MYO15A: variants seen among roughly 807,000 people sequenced by gnomAD.
MYO15A encodes the protein unconventional myosin-XV.
Under a neutral mutation model 394.6 loss-of-function variants are expected in MYO15A, and 308 were observed. The ratio of observed to expected loss-of-function variants is 0.78; its 90% CI spans 0.71 to 0.86. MYO15A has a LOEUF of 0.86. Ranked by LOEUF, MYO15A falls within the 40% of genes least tolerant of loss-of-function variation. The pLI is 0.00. For missense variants in MYO15A, 4,606 were observed against 4,799.1 expected, an observed-to-expected ratio of 0.96 and a Z score of 1.19; for synonymous variants, 1,957 against 2,003.8, an observed-to-expected ratio of 0.98 and a Z score of 0.62.
intron 61 of MYO15A, 43 bp downstream of exon 61, chr17:18,166,564 C>T (rs768361208): frequency 1.2e-6 from 2 of 1,605,146 alleles, no homozygotes; most frequent in South Asian, 2.2e-5. Flanking sequence ...ACCTTCTAGG[C>T]TCCCCTGGGC....
chr17:18,125,157 T>A lies in MYO15A; in HGVS notation c.3693-11T>A, dbSNP rs1597765036. 1 of 1,613,918 alleles carries A rather than the reference T, an allele frequency of 6.2e-7. No individual in the cohort carries two copies. The highest frequency in any genetic ancestry group is 1.7e-5 in the Admixed American group (1 of 60,016). ...TGGGGGCACTGACGGCTTCTCTCTG[T>A]GTCCTTCTAGAGACCTCCAGGAAAC... On this transcript the variant is annotated splice_polypyrimidine_tract_variant and intron_variant, in intron 3 of 65. Coordinates refer to ENST00000647165, the MANE Select transcript of MYO15A (RefSeq NM_016239.4).
Position 18,122,175 on chromosome 17 carries a change from C to T in MYO15A, c.3375C>T (p.Ser1125=), listed in dbSNP as rs780997753. 3.7e-6 allele frequency: 6 copies of T among 1,613,012 alleles called. No homozygotes were observed. The highest frequency in any genetic ancestry group is 5.1e-6 in the Non-Finnish European group (6 of 1,180,026). Residue 1125 remains serine (S), a synonymous_variant, in exon 2 of 66, where the codon AGC becomes AGT. Coordinates refer to ENST00000647165, the MANE Select transcript of MYO15A (RefSeq NM_016239.4). ...AVVMPRVQKL[S]SFQRVGPATL... is the part of the protein sequence containing the mutation. ...TCATGCCTCGTGTGCAGAAGCTGAG[C>T]TCTTTCCAGCGAGTTGGGCCTGCAA...
At position 18,141,015 on chromosome 17, in the gene MYO15A, A is replaced by G; in HGVS notation, c.5407-4A>G. 1.2e-6 allele frequency: 2 copies of G among 1,613,822 alleles called. No homozygotes were observed. The highest frequency in any genetic ancestry group is 1.7e-4 in the Middle Eastern group (1 of 5,918). ...GCAGACTCCCTCTCTGGGCATCCCTACAGGAGCCAGGTCTCTTTGAGCCAG... is the reference window on the plus strand; with the variant it reads ...GCAGACTCCCTCTCTGGGCATCCCTGCAGGAGCCAGGTCTCTTTGAGCCAG... On this transcript the variant is annotated splice_region_variant and splice_polypyrimidine_tract_variant and intron_variant, in intron 21 of 65. Coordinates refer to ENST00000647165, the MANE Select transcript of MYO15A (RefSeq NM_016239.4).
At chr17:18,174,604 C>T (rs1350076413) in intron 65 of MYO15A, among the ~76,000 whole-genome samples, 1 of 152,158 alleles carries the variant, frequency 6.6e-6, no homozygotes, top group Admixed American at 6.5e-5. Flanking sequence ...AGTGAGACCC[C>T]ATCTCTAAAA....
Position 18,118,966 on chromosome 17 carries a change from G to A in MYO15A, c.166G>A (p.Ala56Thr), listed in dbSNP as rs748573149. 29 of 1,613,192 alleles carry A rather than the reference G, an allele frequency of 1.8e-5. No individual in the cohort carries two copies. The South Asian group carries it at 2.0e-4, about 11-fold the overall frequency. Reference sequence around the variant, plus strand: ...CTCCAAGAAGGGCCAGTTCCGCAGCGCCTCGGCCTTCTTCTGGGGCCTCCA... The same window carrying A: ...CTCCAAGAAGGGCCAGTTCCGCAGCACCTCGGCCTTCTTCTGGGGCCTCCA... The part of the protein sequence containing the change: ...KISKKGQFRS[A>T]SAFFWGLHTG... Residue 56 changes from alanine to threonine, a missense_variant, in exon 2 of 66, where the codon GCC becomes ACC. Transcript: ENST00000647165.
In MYO15A at chr17:18,154,693, C is replaced by T. The variant is rs1288328459; in HGVS notation, c.8162C>T (p.Thr2721Met). Residue 2721 changes from threonine (T) to methionine (M), a missense_variant, in exon 45 of 66, where the codon ACG (threonine) becomes ATG (methionine). Coordinates refer to ENST00000647165, the MANE Select transcript of MYO15A (RefSeq NM_016239.4). ...CTGTTCCCACAGATCCTGCACGACA[C>T]GCTCTCCGAGGCCTGCCTTCGCATC... ...DLLFRQILHD[T>M]LSEACLRISE... 6 of 1,613,458 alleles carry T rather than the reference C, an allele frequency of 3.7e-6. No homozygotes were observed. The highest frequency in any genetic ancestry group is 1.7e-5 in the Admixed American group (1 of 60,008).
Position 18,119,369 on chromosome 17 carries a change from TC to T in MYO15A, c.574del (p.Arg192AlafsTer252). 2 of 1,609,262 alleles carry T rather than the reference TC, an allele frequency of 1.2e-6. No individual in the cohort carries two copies. Among genetic ancestry groups the T allele is most frequent in the Non-Finnish European group, 1.7e-6 (2 of 1,179,200 alleles). On this transcript the variant is annotated frameshift_variant, in exon 2 of 66. Coordinates refer to ENST00000647165, the MANE Select transcript of MYO15A (RefSeq NM_016239.4). LOFTEE classifies it high-confidence loss of function. ...ILRPGGRLRR[F>X]PRSRSIYASG... ...CGGCCTGGGGGCCGGCTCCGGAGGT[TC>T]CCCCGCAGCCGCAGCATCTACGCGT...
At chr17:18,173,993 G>C in intron 65 of MYO15A, 72 bp downstream of exon 65, 1 of 1,556,158 alleles carries the variant, frequency 6.4e-7, no homozygotes, top group South Asian at 1.2e-5. Context: ...GATAGGTCAG[G>C]TCCCTGCCAT....
At chr17:18,169,683 A>G (rs929725476) in intron 62 of MYO15A, 5 of 152,194 alleles carry the variant, frequency 3.3e-5, no homozygotes, top group African/African-American at 4.8e-5. Flanking sequence ...TATGTGGGTT[A>G]TATCAATGAA....
chr17:18,140,459 C>A (rs2046357455), intron 19 of MYO15A, 58 bp from the exon 20 acceptor site: 1 of 1,610,790 alleles, frequency 6.2e-7, no homozygotes, highest in Non-Finnish European at 8.5e-7. Flanking sequence ...TCTCTTCCTC[C>A]TCATTTCGGT....
chr17:18,139,747 G>T, intron 19 of MYO15A, 136 bp downstream of exon 19: 2 of 1,039,932 alleles, frequency 1.9e-6, no homozygotes, highest in Non-Finnish European at 2.9e-6. Flanking sequence ...GACAAGGGTG[G>T]CCTGGACACC....
At chr17:18,115,451 T>C (rs911639206) in intron 1 of MYO15A, among the ~76,000 whole-genome samples, 2 of 152,120 alleles carry the variant, frequency 1.3e-5, no homozygotes, top group African/African-American at 4.8e-5. Context: ...AAACCCTGTC[T>C]CTACTAAAAA....
In MYO15A at chr17:18,142,816, C is replaced by G; in HGVS notation, c.5886C>G (p.Tyr1962Ter). The G allele has an allele frequency of 6.2e-7, 1 of 1,613,046 alleles. No homozygotes were observed. The highest frequency in any genetic ancestry group is 8.5e-7 in the Non-Finnish European group (1 of 1,179,744). Residue 1962 changes from tyrosine (Y) to a stop codon, truncating the protein, a stop_gained, in exon 25 of 66, where the codon TAC becomes TAG. Transcript: ENST00000647165. LOFTEE classifies it high-confidence loss of function. ...LVKFRSLVHAYVSRRRYLKLR... is the reference protein window; with the variant it reads ...LVKFRSLVHA Reference sequence around the variant, plus strand: ...AGTTCCGGTCCCTGGTACACGCATACGTGAGCCGCCGACGCTATCTCAAGG... The same window carrying G: ...AGTTCCGGTCCCTGGTACACGCATAGGTGAGCCGCCGACGCTATCTCAAGG...
At position 18,163,906 on chromosome 17, in the gene MYO15A, C is replaced by T. The variant is rs1206169297; in HGVS notation, c.9787+68C>T. 2.6e-6 allele frequency: 4 copies of T among 1,522,858 alleles called. No individual in the cohort carries two copies. The South Asian group carries it at 3.5e-5, about 13-fold the overall frequency. The allele number at this position is 1,522,858 out of a possible 1,614,324, so 94.3% of individuals were successfully genotyped here. ...CCCGGGCCTTGTGCCATGTGGGGCC[C>T]TCCACCCAGATTTTAGGGCCCAAGT... is the stretch of plus-strand genomic sequence containing the variant. On this transcript the variant is annotated intron_variant, in intron 60 of 65. Coordinates refer to ENST00000647165, the MANE Select transcript of MYO15A (RefSeq NM_016239.4).
chr17:18,160,143 A>T, intron 56 of MYO15A, 126 bp downstream of exon 56: 1 of 893,504 alleles, frequency 1.1e-6, no homozygotes. Flanking sequence ...CCTCATCCTC[A>T]CTCAATAGAG....
At position 18,161,402 on chromosome 17, in the gene MYO15A, C is replaced by T. The variant is rs1282151701; in HGVS notation, c.9472C>T (p.Arg3158Cys). The T allele has an allele frequency of 3.7e-6, 6 of 1,614,106 alleles. No homozygotes were observed. The highest frequency in any genetic ancestry group is 3.3e-4 in the Middle Eastern group (2 of 6,062). The change falls in exon 57 of 66, where the codon CGC becomes TGC. Residue 3158 changes from arginine to cysteine, a missense_variant. Arg to Cys is a radical substitution (Grantham distance 180). Transcript: ENST00000647165. ...CSEVLHPHLT[R>C]FLQDVSRTPG... ...TGAGGTCCTCCACCCACACCTCACTCGCTTCCTCCAAGACGTGAGCCGGAC... is the reference window on the plus strand; with the variant it reads ...TGAGGTCCTCCACCCACACCTCACTTGCTTCCTCCAAGACGTGAGCCGGAC...
Position 18,142,116 on chromosome 17 carries a change from G to A in MYO15A, c.5687G>A (p.Ser1896Asn), listed in dbSNP as rs2046392577. Residue 1896 changes from serine to asparagine, a missense_variant, in exon 24 of 66, where the codon AGT (serine) becomes AAT (asparagine). Physicochemically the swap from Ser to Asn is conservative, Grantham distance 46. Around this residue, in one of 2 missense-constraint regions of MYO15A, gnomAD observed 2,776 missense variants for 3,109.3 expected, o/e 0.89. Transcript: ENST00000647165. ...GAACACCTATACCAGCTGCTGGAGA[G>A]TATGCGAGAGCATGTCCTGAATCTG... ...LKEHLYQLLE[S>N]MREHVLNLAA... The A allele has an allele frequency of 6.2e-7, 1 of 1,613,542 alleles. No individual in the cohort carries two copies. The highest frequency in any genetic ancestry group is 2.2e-5 in the East Asian group (1 of 44,906).
Position 18,151,131 on chromosome 17 carries a change from C to G in MYO15A, c.7495C>G (p.Gln2499Glu). Reference sequence around the variant, plus strand: ...ACAGAAACCCCCAGCACCAGAGGCACAGCCGACGTCTGTAGGCACCGGTCC... The same window carrying G: ...ACAGAAACCCCCAGCACCAGAGGCAGAGCCGACGTCTGTAGGCACCGGTCC... ...PAEKPPAPEA[Q>E]PTSVGTGPPA... The change falls in exon 39 of 66, where the codon CAG becomes GAG. Residue 2499 changes from glutamine to glutamate, a missense_variant. Around this residue, in one of 2 missense-constraint regions of MYO15A, gnomAD observed 2,776 missense variants for 3,109.3 expected, o/e 0.89. Coordinates refer to ENST00000647165, the MANE Select transcript of MYO15A (RefSeq NM_016239.4). 6.2e-7 allele frequency: 1 copy of G among 1,613,986 alleles called. No homozygotes were observed. The highest frequency in any genetic ancestry group is 8.5e-7 in the Non-Finnish European group (1 of 1,180,010).
rs932585591 is a variant in MYO15A, at chr17:18,179,054, G to A, written c.*184G>A. Reference sequence around the variant, plus strand: ...AAGAAGACCCATCCTGAACTGGGATGGAATGGCAGCATGCAAACTTGGATC... The same window carrying A: ...AAGAAGACCCATCCTGAACTGGGATAGAATGGCAGCATGCAAACTTGGATC... On this transcript the variant is annotated 3_prime_UTR_variant, in exon 66 of 66. Transcript: ENST00000647165. 4.6e-6 allele frequency: 3 copies of A among 654,872 alleles called. No individual in the cohort carries two copies. Among genetic ancestry groups the A allele is most frequent in the Admixed American group, 2.4e-5 (1 of 41,346 alleles). 40.6% of individuals were successfully genotyped at this position (654,872 alleles called of 1,614,324 possible). A position where few individuals can be genotyped will look rare whatever the true frequency, so the allele number is the denominator to read the frequency against.
Sources: allele counts gnomAD v4.1 joint callset (sites outside exome capture counted in the v4.1 genomes callset), GRCh38; gene constraint gnomAD v4.1.1; regional missense constraint gnomAD v4.1.1; transcripts MANE v1.5; gene names NCBI Gene and HGNC (gene_info 2026-07-23, HGNC 2026-07-21).